NBEA: variants seen among roughly 807,000 people sequenced by gnomAD.
The protein encoded by NBEA is neurobeachin.
Under a neutral mutation model 343.4 loss-of-function variants are expected in NBEA, and 44 were observed. The observed-to-expected ratio is 0.13, with a 90% confidence interval of 0.10 to 0.16. NBEA has a LOEUF of 0.16. Ranked by LOEUF, NBEA falls within the 10% of genes least tolerant of loss-of-function variation. The pLI, the probability that NBEA is intolerant of heterozygous loss-of-function variation, is 1.00. For synonymous variants in NBEA, 1,175 were observed against 1,238.7 expected (o/e 0.95, Z 1.08); for missense variants, 2,555 against 3,631.3 (o/e 0.70, Z 7.62).
intron 1 of NBEA, among the ~76,000 whole-genome samples, chr13:34,946,848 T>G (rs2152480177): frequency 7.5e-6 from 1 of 132,830 alleles, no homozygotes; most frequent in South Asian, 2.3e-4. Context: ...AACTTTAAGG[T>G]TTTTTTTTTT....
chr13:35,643,597 G>T (rs2084074228), intron 49 of NBEA, among the ~76,000 whole-genome samples: 1 of 152,168 alleles, frequency 6.6e-6, no homozygotes, highest in South Asian at 2.1e-4. Context: ...CAGAGATTCA[G>T]TCTGAACAAA....
chr13:35,084,919 GA>G (rs1283496183), intron 10 of NBEA, among the ~76,000 whole-genome samples: 1 of 152,128 alleles, frequency 6.6e-6, no homozygotes, highest in East Asian at 1.9e-4. Context: ...CGATCCCACA[GA>G]AATACAATCT....
At chr13:35,552,366 C>T (rs1049687266) in intron 43 of NBEA, among the ~76,000 whole-genome samples, 10 of 152,160 alleles carry the variant, frequency 6.6e-5, no homozygotes, top group Non-Finnish European at 1.3e-4. Context: ...AAGACCAATT[C>T]ACTGACACGT....
intron 34 of NBEA, among the ~76,000 whole-genome samples, chr13:35,250,760 C>T (rs984446857): frequency 6.6e-6 from 1 of 152,022 alleles, no homozygotes; most frequent in Non-Finnish European, 1.5e-5. Flanking sequence ...TGAGAACAAC[C>T]TAAATGTATA....
At chr13:35,096,980 G>T (rs2065368033) in intron 10 of NBEA, among the ~76,000 whole-genome samples, 1 of 151,716 alleles carries the variant, frequency 6.6e-6, no homozygotes, top group South Asian at 2.1e-4. Context: ...TGTGGTTTAA[G>T]GATATAGGAT....
intron 35 of NBEA, among the ~76,000 whole-genome samples, chr13:35,301,419 A>G (rs1293435028): frequency 2.0e-5 from 3 of 151,622 alleles, no homozygotes; most frequent in South Asian, 2.1e-4. Flanking sequence ...ACTCCCACTT[A>G]TGAGTGAGAA....
At chr13:35,204,280 C>T (rs1264627321) in intron 31 of NBEA, among the ~76,000 whole-genome samples, 2 of 152,106 alleles carry the variant, frequency 1.3e-5, no homozygotes, top group Non-Finnish European at 2.9e-5. Context: ...TTTGTTTTCA[C>T]ACTGCTGATA....
At chr13:35,355,982 A>G (rs930966210) in intron 38 of NBEA, among the ~76,000 whole-genome samples, 1 of 152,034 alleles carries the variant, frequency 6.6e-6, no homozygotes, top group Non-Finnish European at 1.5e-5. Context: ...TTCCAATAGC[A>G]TGTAAGCTTC....
intron 46 of NBEA, among the ~76,000 whole-genome samples, chr13:35,590,723 C>G (rs1018048982): frequency 6.6e-6 from 1 of 152,088 alleles, no homozygotes; most frequent in Non-Finnish European, 1.5e-5. Context: ...CTAAATTAAT[C>G]TCTGCCCACT....
rs1041929597 is a variant in NBEA, at chr13:35,020,743, C to T, written c.295-20190C>T. Among the ~76,000 whole-genome samples, 3 of 152,190 alleles carry T rather than the reference C, an allele frequency of 2.0e-5. No homozygotes were observed. In the South Asian group the frequency reaches 6.2e-4, roughly 31 times the overall value. On this transcript the variant is annotated intron_variant, in intron 1 of 58. Transcript: ENST00000379939. ...CCATGTTGGCCAGGCTGGTCTCAAA[C>T]TCCTGACCTCAGTGATCTGCCTTCC...
At chr13:34,960,004 A>T (rs1380020065) in intron 1 of NBEA, among the ~76,000 whole-genome samples, 1 of 152,134 alleles carries the variant, frequency 6.6e-6, no homozygotes, top group Non-Finnish European at 1.5e-5. Context: ...TTAAAAAAAA[A>T]GTTAACTGTA....
chr13:35,577,217 C>T (rs1244435754), intron 45 of NBEA, among the ~76,000 whole-genome samples: 1 of 152,168 alleles, frequency 6.6e-6, no homozygotes, highest in African/African-American at 2.4e-5. Flanking sequence ...ATTTCTGCTG[C>T]AGTCATAGTG....
At chr13:35,445,754 T>G (rs2045968820) in intron 39 of NBEA, among the ~76,000 whole-genome samples, 1 of 143,812 alleles carries the variant, frequency 7.0e-6, no homozygotes, top group African/African-American at 2.6e-5. Context: ...TGATAAGATA[T>G]GATGACTTAA....
chr13:35,263,224 G>A (rs764583693), intron 34 of NBEA, among the ~76,000 whole-genome samples: 1 of 151,620 alleles, frequency 6.6e-6, no homozygotes, highest in South Asian at 2.1e-4. Flanking sequence ...CCTGGGAAAA[G>A]GCAGTCTTTT....
In NBEA at chr13:35,118,438, CAAT is replaced by C. The variant is rs2066617158; in HGVS notation, c.2208_2210del (p.Met737del). On this transcript the variant is annotated inframe_deletion, in exon 16 of 59. Transcript: ENST00000379939. ...GCTTTAATGTCGGAACACCCAGCCT[CAAT>C]GATACCAGCATTTGATCAAAGAAAT... 1 of 1,605,494 alleles carries C rather than the reference CAAT, an allele frequency of 6.2e-7. No individual in the cohort carries two copies. The highest frequency in any genetic ancestry group is 8.5e-7 in the Non-Finnish European group (1 of 1,176,242).
rs150992605 is a variant in NBEA at position 35,577,506 on chromosome 13, A to C, written c.7036-6392A>C. 6.8e-3 allele frequency among the ~76,000 whole-genome samples: 1,033 copies of C among 152,194 alleles called. 4 individuals carry two copies. The highest frequency in any genetic ancestry group is 0.011 in the Non-Finnish European group (770 of 68,008). On this transcript the variant is annotated intron_variant, in intron 45 of 58. Transcript: ENST00000379939. ...ATCATTTCCTCATTTATTTAATTAG[A>C]TTGTTCATTAGCTTCTTATTGATTT... is the stretch of plus-strand genomic sequence containing the variant.
chr13:35,665,502 G>C lies in NBEA; in HGVS notation c.8464+316G>C, dbSNP rs75164848. 2.4e-3 allele frequency among the ~76,000 whole-genome samples: 364 copies of C among 152,216 alleles called. 12 individuals are homozygous for C. The East Asian group carries it at 0.064, about 27-fold the overall frequency. On this transcript the variant is annotated intron_variant, in intron 56 of 58. Transcript: ENST00000379939. ...GTATCCCTGATGTAGTGGGGGAGGTGGGGGGTCATGTCACTCATCAGACAC... is the reference window on the plus strand; with the variant it reads ...GTATCCCTGATGTAGTGGGGGAGGTCGGGGGTCATGTCACTCATCAGACAC...
chr13:35,324,720 A>G (rs2152843214), intron 36 of NBEA, among the ~76,000 whole-genome samples: 1 of 152,278 alleles, frequency 6.6e-6, no homozygotes, highest in African/African-American at 2.4e-5. Context: ...ACAGTTCCAA[A>G]ATATTATAGT....
intron 1 of NBEA, among the ~76,000 whole-genome samples, chr13:34,956,261 T>C (rs999073404): frequency 2.0e-5 from 3 of 152,146 alleles, no homozygotes; most frequent in Non-Finnish European, 4.4e-5. Flanking sequence ...CAGTAGTCTT[T>C]GAGGTGAATG....
Sources: gnomAD v4.1 joint callset for allele counts (sites outside exome capture counted in the v4.1 genomes callset) on GRCh38, gnomAD v4.1.1 for gene constraint, MANE v1.5 for transcripts, NCBI Gene and HGNC (gene_info 2026-07-23, HGNC 2026-07-21) for gene names.